OCA2: variants seen among roughly 807,000 people sequenced by gnomAD.
OCA2 encodes OCA2 melanosomal transmembrane protein.
OCA2 carries 77 observed loss-of-function variants against 100.2 expected under a neutral mutation model. The ratio of observed to expected loss-of-function variants is 0.77; its 90% CI spans 0.64 to 0.93. The LOEUF is 0.93. OCA2 is among the 40% of genes least tolerant of loss of function. OCA2 has a pLI of 0.00. For missense variants in OCA2, 1,062 were observed against 1,089.1 expected, an observed-to-expected ratio of 0.98 and a Z score of 0.35; for synonymous variants, 432 against 439.2, an observed-to-expected ratio of 0.98 and a Z score of 0.21.
intron 23 of OCA2, among the ~76,000 whole-genome samples, chr15:27,842,956 G>A (rs2040208764): frequency 6.6e-6 from 1 of 152,200 alleles, no homozygotes; most frequent in African/African-American, 2.4e-5. Flanking sequence ...CAGGTGGAGT[G>A]GACGCAAACC....
chr15:27,742,879 T>C, the OCA2 span, among the ~76,000 whole-genome samples: 1 of 151,980 alleles, frequency 6.6e-6, no homozygotes, highest in African/African-American at 2.4e-5. Context: ...CGGGAGAAAA[T>C]GATGAAATAT....
chr15:27,772,994 T>A (rs1318526117), intron 23 of OCA2, among the ~76,000 whole-genome samples: 1 of 152,224 alleles, frequency 6.6e-6, no homozygotes, highest in African/African-American at 2.4e-5. Context: ...ATTTTCTCTA[T>A]TCTGATGCAA....
At chr15:27,872,810 C>T (rs2036636107) in intron 19 of OCA2, among the ~76,000 whole-genome samples, 1 of 152,018 alleles carries the variant, frequency 6.6e-6, no homozygotes, top group African/African-American at 2.4e-5. Context: ...CTGCCTCAGC[C>T]TCCCAAGTAG....
At chr15:27,903,388 G>T (rs2038040116) in intron 19 of OCA2, among the ~76,000 whole-genome samples, 1 of 152,230 alleles carries the variant, frequency 6.6e-6, no homozygotes, top group African/African-American at 2.4e-5. Context: ...CTGTGCAGGG[G>T]ACCCTGCCTC....
At chr15:28,046,603 C>A (rs2043355066) in intron 2 of OCA2, among the ~76,000 whole-genome samples, 1 of 152,152 alleles carries the variant, frequency 6.6e-6, no homozygotes, top group Non-Finnish European at 1.5e-5. Flanking sequence ...TAAGAAGTCC[C>A]TAGAGGTCAT....
At chr15:27,841,926 G>C (rs1291597772) in intron 23 of OCA2, among the ~76,000 whole-genome samples, 1 of 152,240 alleles carries the variant, frequency 6.6e-6, no homozygotes, top group Non-Finnish European at 1.5e-5. Context: ...AATGCGTGGA[G>C]AGCAACATTT....
At chr15:27,773,989 A>G (rs2032039399) in intron 23 of OCA2, among the ~76,000 whole-genome samples, 3 of 152,252 alleles carry the variant, frequency 2.0e-5, no homozygotes, top group South Asian at 4.1e-4. Context: ...GGACACAGGA[A>G]GTATATTTTC....
the OCA2 span, among the ~76,000 whole-genome samples, chr15:27,720,068 T>C: frequency 6.6e-6 from 1 of 152,112 alleles, no homozygotes. Flanking sequence ...AAAAGCACAG[T>C]TAGGTAATTA....
chr15:27,884,443 T>C (rs193181452), intron 19 of OCA2, among the ~76,000 whole-genome samples: 21 of 152,340 alleles, frequency 1.4e-4, no homozygotes, highest in African/African-American at 4.6e-4. Flanking sequence ...AAATTATGCA[T>C]GCATCTTCCC....
At chr15:27,909,281 G>A (rs1309370832) in intron 19 of OCA2, among the ~76,000 whole-genome samples, 1 of 152,132 alleles carries the variant, frequency 6.6e-6, no homozygotes, top group Non-Finnish European at 1.5e-5. Flanking sequence ...GACACATCCT[G>A]TTCTCAGATT....
chr15:28,037,603 G>A (rs1487420239), intron 2 of OCA2, among the ~76,000 whole-genome samples: 9 of 152,194 alleles, frequency 5.9e-5, no homozygotes, highest in Non-Finnish European at 1.5e-5. Context: ...TAGTTGATGA[G>A]TATTAATAAC....
At chr15:27,795,362 GCTC>G (rs2033284304) in intron 23 of OCA2, among the ~76,000 whole-genome samples, 1 of 151,898 alleles carries the variant, frequency 6.6e-6, no homozygotes, top group Non-Finnish European at 1.5e-5. Flanking sequence ...GCCATCGAAA[GCTC>G]CTTCCATTCC....
At chr15:27,823,643 C>T (rs936006899) in intron 23 of OCA2, among the ~76,000 whole-genome samples, 1 of 152,120 alleles carries the variant, frequency 6.6e-6, no homozygotes, top group African/African-American at 2.4e-5. Flanking sequence ...TAGATACAAT[C>T]TAAATGACTG....
At chr15:27,965,712 C>T (rs889943504) in intron 15 of OCA2, among the ~76,000 whole-genome samples, 28 of 152,324 alleles carry the variant, frequency 1.8e-4, no homozygotes, top group African/African-American at 6.5e-4. Context: ...CAAAGAAGAG[C>T]GCCTTCATCT....
At chr15:28,056,700 C>A (rs1379778944) in intron 2 of OCA2, among the ~76,000 whole-genome samples, 1 of 152,258 alleles carries the variant, frequency 6.6e-6, no homozygotes, top group Non-Finnish European at 1.5e-5. Flanking sequence ...GAGCTCCACA[C>A]CCTCCAGGGC....
At chr15:27,736,191 T>G in the OCA2 span, among the ~76,000 whole-genome samples, 2 of 152,236 alleles carry the variant, frequency 1.3e-5, no homozygotes, top group African/African-American at 4.8e-5. Context: ...TATTTTGAAA[T>G]TGTGTATTAC....
the OCA2 span, among the ~76,000 whole-genome samples, chr15:27,733,067 G>A: frequency 5.9e-5 from 9 of 152,092 alleles, no homozygotes; most frequent in Non-Finnish European, 1.2e-4. Context: ...ATTAGCACTC[G>A]TCTCTCATGA....
At chr15:28,039,157 T>C (rs2043130427) in intron 2 of OCA2, among the ~76,000 whole-genome samples, 1 of 113,966 alleles carries the variant, frequency 8.8e-6, no homozygotes, top group Non-Finnish European at 1.5e-5. Context: ...CCAAAATATA[T>C]GATGCTGACA....
chr15:28,062,953 C>T (rs1390119265), intron 2 of OCA2, among the ~76,000 whole-genome samples: 1 of 152,152 alleles, frequency 6.6e-6, no homozygotes, highest in Non-Finnish European at 1.5e-5. Context: ...TCTTAAATTA[C>T]TGTGGCTTTG....
Sources: allele counts gnomAD v4.1 joint callset (sites outside exome capture counted in the v4.1 genomes callset), GRCh38; gene constraint gnomAD v4.1.1; transcripts MANE v1.5; gene names NCBI Gene and HGNC (gene_info 2026-07-23, HGNC 2026-07-21).